Variants in UBE2C observed in about 807,000 individuals in gnomAD.
The protein encoded by UBE2C is ubiquitin conjugating enzyme E2 C, also known as ubiquitin-conjugating enzyme E2 C.
UBE2C carries 16 observed loss-of-function variants against 23.5 expected under a neutral mutation model. The ratio of observed to expected loss-of-function variants is 0.68; its 90% CI spans 0.46 to 1.03. The LOEUF is 1.03. UBE2C is among the 50% of genes least tolerant of loss of function. The pLI, the probability that UBE2C is intolerant of heterozygous loss-of-function variation, is 0.00. For synonymous variants in UBE2C, 76 were observed against 91.6 expected (o/e 0.83, Z 0.97); for missense variants, 192 against 227.6 (o/e 0.84, Z 1.01).
chr20:45,814,669 T>TTA (rs1183232229), intron 3 of UBE2C, among the ~76,000 whole-genome samples, 199 bp downstream of exon 3: 1 of 152,120 alleles, frequency 6.6e-6, no homozygotes, highest in African/African-American at 2.4e-5. Flanking sequence ...TCTTAGATGT[T>TTA]TACATGGGGG....
intron 3 of UBE2C, chr20:45,815,312 A>T: frequency 6.9e-7 from 1 of 1,447,792 alleles, no homozygotes; most frequent in South Asian, 1.4e-5. Context: ...TGAGCCCAGG[A>T]GTTTGAGACT....
intron 5 of UBE2C, among the ~76,000 whole-genome samples, chr20:45,816,488 T>G (rs1030356605): frequency 1.3e-5 from 2 of 151,988 alleles, no homozygotes; most frequent in Non-Finnish European, 2.9e-5. Flanking sequence ...ACAAAAAAAA[T>G]TAACCGGGTA....
At chr20:45,812,864 T>G in intron 1 of UBE2C, 68 bp downstream of exon 1, 3 of 1,490,304 alleles carry the variant, frequency 2.0e-6, no homozygotes, top group Non-Finnish European at 1.8e-6. Context: ...GAGCAAAGAT[T>G]TCTAGGACCA....
rs974159459 is a variant in UBE2C, at chr20:45,813,334, G to A, written c.102-103G>A. On this transcript the variant is annotated intron_variant, in intron 1 of 5. Coordinates refer to ENST00000356455, the MANE Select transcript of UBE2C (RefSeq NM_007019.4). ...GAGCCTGACCTTGGTGATGTGGGGA[G>A]CCTCCATGACGGCTCCCCCTGAGAT... 4 of 1,604,678 alleles carry A rather than the reference G, an allele frequency of 2.5e-6. No homozygotes were observed. The Admixed American group carries it at 6.9e-5, about 28-fold the overall frequency.
intron 1 of UBE2C, 174 bp from the exon 2 acceptor site, chr20:45,813,263 G>A (rs1982098918): frequency 6.6e-7 from 1 of 1,507,198 alleles, no homozygotes; most frequent in African/African-American, 1.4e-5. Context: ...GGAGGGTGAG[G>A]ACTCGCTAGG....
intron 5 of UBE2C, among the ~76,000 whole-genome samples, chr20:45,816,374 G>A (rs1034365792): frequency 8.5e-5 from 13 of 152,194 alleles, no homozygotes; most frequent in Non-Finnish European, 1.5e-4. Flanking sequence ...AGTGGCTCAT[G>A]CCTGTAATCC....
At chr20:45,816,493 C>T (rs985307885) in intron 5 of UBE2C, among the ~76,000 whole-genome samples, 5 of 152,084 alleles carry the variant, frequency 3.3e-5, no homozygotes, top group Admixed American at 6.6e-5. Context: ...AAAAATTAAC[C>T]GGGTATGGTG....
At chr20:45,816,424 T>A (rs1224205473) in intron 5 of UBE2C, among the ~76,000 whole-genome samples, 1 of 152,052 alleles carries the variant, frequency 6.6e-6, no homozygotes, top group Non-Finnish European at 1.5e-5. Flanking sequence ...TCACATGAGG[T>A]CAGGAGTTTG....
At chr20:45,813,235 G>A (rs1169259130) in intron 1 of UBE2C, 5 of 1,483,376 alleles carry the variant, frequency 3.4e-6, no homozygotes, top group African/African-American at 2.8e-5. Flanking sequence ...GAATCATCCC[G>A]AGGGAGTCTG....
chr20:45,815,812 C>G (rs371560391), intron 4 of UBE2C, 42 bp from the exon 5 acceptor site: 1 of 1,613,524 alleles, frequency 6.2e-7, no homozygotes, highest in African/African-American at 1.3e-5. Context: ...CTGGGGTCAG[C>G]CTCTTCTACC....
At chr20:45,816,518 T>C (rs1982574632) in intron 5 of UBE2C, among the ~76,000 whole-genome samples, 191 bp from the exon 6 acceptor site, 1 of 152,172 alleles carries the variant, frequency 6.6e-6, no homozygotes, top group African/African-American at 2.4e-5. Context: ...GCACCTGTAG[T>C]CCCAGCTACT....
At chr20:45,816,055 C>G in intron 5 of UBE2C, 142 bp downstream of exon 5, 1 of 746,792 alleles carries the variant, frequency 1.3e-6, no homozygotes, top group Non-Finnish European at 2.2e-6. Flanking sequence ...TGTTTCTGCC[C>G]CAGTGCTCCT....
chr20:45,815,287 G>A, intron 3 of UBE2C: 5 of 1,254,546 alleles, frequency 4.0e-6, no homozygotes, highest in Non-Finnish European at 5.5e-6. Context: ...GGGAGGCTGA[G>A]GCAGGCAGAT....
At chr20:45,813,985 AT>A (rs534029845) in intron 2 of UBE2C, among the ~76,000 whole-genome samples, 328 of 151,894 alleles carry the variant, frequency 2.2e-3, no homozygotes, top group African/African-American at 7.5e-3. Flanking sequence ...CATGCCTGTA[AT>A]TTCAGCTACT....
chr20:45,815,578 T>A lies in UBE2C; in HGVS notation c.254T>A (p.Phe85Tyr). Reference sequence around the variant, plus strand: ...CTGAGGTATAAGCTCTCGCTAGAGTTCCCCAGTGGCTACCCTTACAATGCG... The same window carrying A: ...CTGAGGTATAAGCTCTCGCTAGAGTACCCCAGTGGCTACCCTTACAATGCG... ...EDLRYKLSLE[F>Y]PSGYPYNAPT... Residue 85 changes from phenylalanine (F) to tyrosine (Y), a missense_variant, in exon 4 of 6, where the codon TTC (phenylalanine) becomes TAC (tyrosine). Phe to Tyr is a conservative substitution (Grantham distance 22). Coordinates refer to ENST00000356455, the MANE Select transcript of UBE2C (RefSeq NM_007019.4). The A allele has an allele frequency of 6.2e-7, 1 of 1,614,002 alleles. No individual in the cohort carries two copies. Among genetic ancestry groups the A allele is most frequent in the Non-Finnish European group, 8.5e-7 (1 of 1,180,014 alleles).
At chr20:45,814,491 GGTGA>G (rs756440227) in intron 3 of UBE2C, 21 bp downstream of exon 3, 4 of 1,590,060 alleles carry the variant, frequency 2.5e-6, no homozygotes, top group Non-Finnish European at 3.4e-6. Context: ...GGCTGGGATG[GGTGA>G]GTGAGTCTGG....
chr20:45,815,947 C>T, intron 5 of UBE2C, 34 bp downstream of exon 5: 1 of 1,608,012 alleles, frequency 6.2e-7, no homozygotes, highest in Non-Finnish European at 8.5e-7. Flanking sequence ...AGGGTGATCC[C>T]TCCCCCAACC....
rs368135474 is a variant in UBE2C, at chr20:45,815,783, G to A, written c.421+38G>A. 12 of 1,612,214 alleles carry A rather than the reference G, an allele frequency of 7.4e-6. 1 individual carries two copies. The highest frequency in any genetic ancestry group is 1.3e-5 in the African/African-American group (1 of 74,840). On this transcript the variant is annotated intron_variant, in intron 4 of 5. Coordinates refer to ENST00000356455, the MANE Select transcript of UBE2C (RefSeq NM_007019.4). The stretch of plus-strand genomic sequence containing the variant: ...ACCACCCCTCCCCTCCATGCAACTT[G>A]GGAACCTGTCAGGACTCCCTGGGGT...
chr20:45,812,813 A>AC lies in UBE2C; in HGVS notation c.101+19dup, dbSNP rs1411620881. 5.8e-6 allele frequency: 9 copies of AC among 1,549,454 alleles called. No homozygotes were observed. The highest frequency in any genetic ancestry group is 7.8e-6 in the Non-Finnish European group (9 of 1,146,654). ...GGGCAAAAGGTGAGTGATGCGGCCT[A>AC]CCACTCGCCGGGCCTGCCATGCCCT... On this transcript the variant is annotated intron_variant, in intron 1 of 5. Coordinates refer to ENST00000356455, the MANE Select transcript of UBE2C (RefSeq NM_007019.4).
Sources: allele counts gnomAD v4.1 joint callset (sites outside exome capture counted in the v4.1 genomes callset), GRCh38; gene constraint gnomAD v4.1.1; transcripts MANE v1.5; gene names NCBI Gene and HGNC (gene_info 2026-07-23, HGNC 2026-07-21).